The following ZNF479 variants were observed in gnomAD, a reference collection of about 807,000 sequenced individuals.
ZNF479 encodes the protein KRAB zinc finger protein KR19.
ZNF479 carries 15 observed loss-of-function variants against 14.7 expected under a neutral mutation model. That is an observed-to-expected ratio of 1.02 (90% CI 0.68 to 1.57). The LOEUF (loss-of-function observed/expected upper bound fraction) is 1.57. ZNF479 is among the 40% of genes most tolerant of loss of function. The probability of loss-of-function intolerance (pLI) is 0.00; values close to 1 mark genes in which losing one functional copy is unlikely to be tolerated. For synonymous variants in ZNF479, 145 were observed against 211.5 expected, an observed-to-expected ratio of 0.69 and a Z score of 2.73; for missense variants, 506 against 615.1, an observed-to-expected ratio of 0.82 and a Z score of 1.88.
At chr7:57,125,093 A>G (rs1786100193) in intron 3 of ZNF479, among the ~76,000 whole-genome samples, 1 of 152,238 alleles carries the variant, frequency 6.6e-6, no homozygotes, top group African/African-American at 2.4e-5. Context: ...AAATGGAAAA[A>G]TGATTAAACT....
upstream of ZNF479, among the ~76,000 whole-genome samples, chr7:57,132,650 G>A (rs1786488577): frequency 6.6e-6 from 1 of 152,190 alleles, no homozygotes; most frequent in East Asian, 1.9e-4. Context: ...ATCGGAGCCA[G>A]GCCAACTTCA....
intron 1 of ZNF479, among the ~76,000 whole-genome samples, chr7:57,127,119 T>A (rs912964402): frequency 6.8e-6 from 1 of 148,008 alleles, no homozygotes; most frequent in African/African-American, 2.5e-5. Flanking sequence ...ACCTCCAGGG[T>A]TCAATCGATT....
chr7:57,131,597 A>C lies in ZNF479; in HGVS notation c.39+689T>G, dbSNP rs58031035. 9.2e-3 allele frequency among the ~76,000 whole-genome samples: 1,084 copies of C among 118,214 alleles called. 73 individuals carry two copies. Among genetic ancestry groups the C allele is most frequent in the African/African-American group, 0.026 (970 of 36,726 alleles). The allele number at this position is 118,214 out of a possible 152,430, so 77.6% of individuals were successfully genotyped here. Reference sequence around the variant, plus strand: ...AAACAAACAAACAAACAAAAAAAAAACATTTCTTGTAAATTACTATCTTGA... The same window carrying C: ...AAACAAACAAACAAACAAAAAAAAACCATTTCTTGTAAATTACTATCTTGA... On this transcript the variant is annotated intron_variant, in intron 1 of 3. Coordinates refer to ENST00000319636, the MANE Select transcript of ZNF479 (RefSeq NM_001370129.2).
chr7:57,124,144 A>T (rs1393572300), intron 3 of ZNF479, among the ~76,000 whole-genome samples: 1 of 152,096 alleles, frequency 6.6e-6, no homozygotes, highest in Non-Finnish European at 1.5e-5. Context: ...TAAAATTTTT[A>T]AATTTTATTA....
At chr7:57,135,545 T>C (rs1291612516), upstream of ZNF479, among the ~76,000 whole-genome samples, 2 of 152,144 alleles carry the variant, frequency 1.3e-5, no homozygotes, top group Non-Finnish European at 2.9e-5. Flanking sequence ...CCCAAGTAGC[T>C]GGGATTACAG....
rs1786474156 is a variant in ZNF479, at chr7:57,132,404, G to A, written c.-80C>T. 4 of 1,604,748 alleles carry A rather than the reference G, an allele frequency of 2.5e-6. No individual in the cohort carries two copies. In the South Asian group the frequency reaches 4.4e-5, roughly 18 times the overall value. ...AGAGGACACAGAGCAGTGAAGAGGA[G>A]AACTGCAGCTCTGGACGCAGAGAAA... is the stretch of plus-strand genomic sequence containing the variant. On this transcript the variant is annotated 5_prime_UTR_variant, in exon 1 of 4. Transcript: ENST00000319636.
Position 57,129,852 on chromosome 7 carries a change from C to T in ZNF479, c.39+2434G>A, listed in dbSNP as rs543422836. ...ATACAAAAAAACATGTGAAAGGATGCAATTACATAAAAATGGAATAATCAG... is the reference window on the plus strand; with the variant it reads ...ATACAAAAAAACATGTGAAAGGATGTAATTACATAAAAATGGAATAATCAG... On this transcript the variant is annotated intron_variant, in intron 1 of 3. Coordinates refer to ENST00000319636, the MANE Select transcript of ZNF479 (RefSeq NM_001370129.2). Among the ~76,000 whole-genome samples, 3 of 152,128 alleles carry T rather than the reference C, an allele frequency of 2.0e-5. No homozygotes were observed. The South Asian group carries it at 6.2e-4, about 32-fold the overall frequency.
chr7:57,135,602 G>A (rs1278267701), upstream of ZNF479, among the ~76,000 whole-genome samples: 13 of 152,032 alleles, frequency 8.6e-5, no homozygotes, highest in African/African-American at 2.9e-4. Context: ...TAGTAGAGAT[G>A]GGGTTTCACC....
At chr7:57,132,792 C>T (rs1267286538), upstream of ZNF479, among the ~76,000 whole-genome samples, 2 of 152,064 alleles carry the variant, frequency 1.3e-5, no homozygotes, top group Non-Finnish European at 2.9e-5. Flanking sequence ...TGCTGCGGAT[C>T]CTTTGCAGTG....
At chr7:57,124,455 A>G (rs2115867430) in intron 3 of ZNF479, among the ~76,000 whole-genome samples, 1 of 152,346 alleles carries the variant, frequency 6.6e-6, no homozygotes, top group Admixed American at 6.5e-5. Context: ...CATCACATAC[A>G]AAAAATATTT....
upstream of ZNF479, chr7:57,132,459 G>A: frequency 7.3e-7 from 1 of 1,370,174 alleles, no homozygotes; most frequent in South Asian, 1.3e-5. Context: ...TACGGAAGTA[G>A]CCTGTTCTTT....
intron 3 of ZNF479, among the ~76,000 whole-genome samples, chr7:57,125,467 C>T (rs1323136542): frequency 6.6e-6 from 1 of 151,016 alleles, no homozygotes; most frequent in Admixed American, 6.6e-5. Flanking sequence ...GCATATCCCC[C>T]CACAGCAAGT....
At chr7:57,126,961 A>G (rs1786194322) in intron 1 of ZNF479, among the ~76,000 whole-genome samples, 1 of 152,010 alleles carries the variant, frequency 6.6e-6, no homozygotes, top group African/African-American at 2.4e-5. Context: ...TCTGGATGAT[A>G]CATTATAAAA....
chr7:57,128,107 G>T (rs983358739), intron 1 of ZNF479, among the ~76,000 whole-genome samples: 8 of 151,616 alleles, frequency 5.3e-5, no homozygotes, highest in African/African-American at 1.9e-4. Flanking sequence ...GCTAATTTTT[G>T]TATTTTTTTT....
intron 2 of ZNF479, 119 bp from the exon 3 acceptor site, chr7:57,126,232 G>C: frequency 1.7e-6 from 2 of 1,194,546 alleles, no homozygotes; most frequent in Non-Finnish European, 1.1e-6. Flanking sequence ...ATTCATAATA[G>C]AACTTTCTAA....
chr7:57,131,546 G>C (rs1213179850), intron 1 of ZNF479, among the ~76,000 whole-genome samples: 1 of 145,546 alleles, frequency 6.9e-6, no homozygotes, highest in Non-Finnish European at 1.5e-5. Context: ...CTGGAGGACA[G>C]AGCGAGACTC....
chr7:57,120,174 C>A lies in ZNF479; in HGVS notation c.1241G>T (p.Cys414Phe). 1 of 1,612,162 alleles carries A rather than the reference C, an allele frequency of 6.2e-7. No individual in the cohort carries two copies. The highest frequency in any genetic ancestry group is 1.1e-5 in the South Asian group (1 of 91,004). The change falls in exon 4 of 4, where the codon TGT becomes TTT. Residue 414 changes from cysteine to phenylalanine, a missense_variant. Physicochemically the swap from Cys to Phe is radical, Grantham distance 205 (BLOSUM62 -2). Transcript: ENST00000319636. Reference protein sequence around the residue: ...TGERPYKCEECGKVFSLSSTL... With the variant: ...TGERPYKCEEFGKVFSLSSTL... ...TGAGGATAAGCTAAAGACTTTGCCA[C>A]ACTCTTCACATTTGTAGGGTCTCTC... is the stretch of plus-strand genomic sequence containing the variant.
At chr7:57,135,196 C>T (rs1324859144), upstream of ZNF479, among the ~76,000 whole-genome samples, 4 of 152,174 alleles carry the variant, frequency 2.6e-5, no homozygotes, top group East Asian at 3.9e-4. Context: ...AATTTAGTGG[C>T]GTTAGAGTGT....
chr7:57,121,416 T>G (rs1203882309), intron 3 of ZNF479, among the ~76,000 whole-genome samples: 1 of 152,218 alleles, frequency 6.6e-6, no homozygotes, highest in Non-Finnish European at 1.5e-5. Context: ...AAAAGTCTGC[T>G]ACATTTACCC....
Sources: gnomAD v4.1 joint callset for allele counts (sites outside exome capture counted in the v4.1 genomes callset) on GRCh38, gnomAD v4.1.1 for gene constraint, MANE v1.5 for transcripts, NCBI Gene and HGNC (gene_info 2026-07-23, HGNC 2026-07-21) for gene names.